The following CDH13 variants were observed in gnomAD, a reference collection of about 807,000 sequenced individuals.
CDH13 encodes the protein cadherin-13.
Under a neutral mutation model 63.8 loss-of-function variants are expected in CDH13, and 24 were observed. The ratio of observed to expected loss-of-function variants is 0.38; its 90% CI spans 0.27 to 0.53. The LOEUF is 0.53. Ranked by LOEUF, CDH13 falls within the 20% of genes least tolerant of loss-of-function variation. CDH13 has a pLI of 0.85. For synonymous variants in CDH13, 503 were observed against 355.3 expected (o/e 1.42, Z -4.67); for missense variants, 1,049 against 903.1 (o/e 1.16, Z -2.07).
chr16:83,752,601 T>G (rs1325857284), intron 11 of CDH13, among the ~76,000 whole-genome samples: 1 of 152,240 alleles, frequency 6.6e-6, no homozygotes, highest in Non-Finnish European at 1.5e-5. Flanking sequence ...GACCTAATGA[T>G]ACCTTACAGC....
intron 5 of CDH13, among the ~76,000 whole-genome samples, chr16:83,322,458 C>G (rs2090252135): frequency 6.6e-6 from 1 of 152,196 alleles, no homozygotes; most frequent in African/African-American, 2.4e-5. Context: ...TTCATTGATT[C>G]ATTTCTTTCA....
chr16:82,844,102 G>A (rs1244794523), intron 1 of CDH13, among the ~76,000 whole-genome samples: 1 of 152,166 alleles, frequency 6.6e-6, no homozygotes, highest in Non-Finnish European at 1.5e-5. Context: ...AAGGTTACCT[G>A]TATGACCCAG....
intron 2 of CDH13, among the ~76,000 whole-genome samples, chr16:83,008,645 G>A (rs1456346762): frequency 1.3e-5 from 2 of 152,166 alleles, no homozygotes; most frequent in Non-Finnish European, 2.9e-5. Flanking sequence ...CACTGGGTGT[G>A]GGAGATGGGT....
intron 7 of CDH13, among the ~76,000 whole-genome samples, chr16:83,504,575 G>C (rs1005114306): frequency 6.6e-6 from 1 of 152,116 alleles, no homozygotes; most frequent in Non-Finnish European, 1.5e-5. Context: ...CCACGTTTTG[G>C]GATTCTAGCA....
intron 1 of CDH13, among the ~76,000 whole-genome samples, chr16:82,837,733 C>T (rs768945541): frequency 6.6e-5 from 10 of 152,172 alleles, no homozygotes; most frequent in Non-Finnish European, 1.0e-4. Context: ...GGGAGCTCAT[C>T]GAGCTGGTCA....
At chr16:83,719,160 C>A (rs892393416) in intron 10 of CDH13, among the ~76,000 whole-genome samples, 1 of 152,160 alleles carries the variant, frequency 6.6e-6, no homozygotes, top group Non-Finnish European at 1.5e-5. Context: ...GCAGAGAGTC[C>A]AGTAGCCAAG....
At chr16:83,031,199 G>T (rs1373429338) in intron 2 of CDH13, among the ~76,000 whole-genome samples, 3 of 147,368 alleles carry the variant, frequency 2.0e-5, no homozygotes, top group African/African-American at 7.5e-5. Context: ...CCATATACAT[G>T]CGCATGTATA....
chr16:83,776,190 A>G (rs1915099983), intron 11 of CDH13, among the ~76,000 whole-genome samples: 1 of 152,260 alleles, frequency 6.6e-6, no homozygotes. Flanking sequence ...AGTTCACAAA[A>G]GGCCAATTCT....
chr16:83,206,091 G>A lies in CDH13; in HGVS notation c.484-11254G>A, dbSNP rs191123424. On this transcript the variant is annotated intron_variant, in intron 4 of 13. Transcript: ENST00000567109. The stretch of plus-strand genomic sequence containing the variant: ...CTTTGGGAAGGACAGGCATGAAAGG[G>A]TGACTCATACATGGCCTATGGGTCC... 2.0e-5 allele frequency among the ~76,000 whole-genome samples: 3 copies of A among 152,216 alleles called. No individual in the cohort carries two copies. In the East Asian group the frequency reaches 5.8e-4, roughly 29 times the overall value.
chr16:82,672,906 C>T (rs890402516), intron 1 of CDH13, among the ~76,000 whole-genome samples: 6 of 151,582 alleles, frequency 4.0e-5, no homozygotes, highest in Non-Finnish European at 4.4e-5. Flanking sequence ...CTTCTACCTC[C>T]TGGGCTCAAA....
At position 82,858,659 on chromosome 16, in the gene CDH13, A is replaced by C. The variant is rs963815589; in HGVS notation, c.157+186A>C. The C allele has an allele frequency of 1.1e-5, 7 of 633,208 alleles. 1 individual carries two copies. The South Asian group carries it at 1.3e-4, about 12-fold the overall frequency. The allele number at this position is 633,208 out of a possible 1,614,324, so 39.2% of individuals were successfully genotyped here. On this transcript the variant is annotated intron_variant, in intron 2 of 13. Transcript: ENST00000567109. ...GCCTGGCCAACTTAGAGGTTAATAG[A>C]GTGATATGCATCTCTTTTTAGTATT...
intron 1 of CDH13, among the ~76,000 whole-genome samples, chr16:82,676,648 A>G (rs113893269): frequency 1.3e-5 from 2 of 152,090 alleles, no homozygotes; most frequent in Non-Finnish European, 2.9e-5. Flanking sequence ...CATTTGATCA[A>G]AATCCTTCAG....
At chr16:83,618,096 A>G (rs1255361583) in intron 8 of CDH13, among the ~76,000 whole-genome samples, 5 of 152,216 alleles carry the variant, frequency 3.3e-5, no homozygotes, top group East Asian at 1.9e-4. Context: ...ATGCTTGACA[A>G]CAAAGACAAT....
chr16:82,931,509 C>A (rs1393089855), intron 2 of CDH13, among the ~76,000 whole-genome samples: 3 of 125,482 alleles, frequency 2.4e-5, no homozygotes, highest in Non-Finnish European at 5.0e-5. Context: ...CTTGAGGTCC[C>A]CCCCTTTTTT....
Position 83,028,346 on chromosome 16 carries a change from G to T in CDH13, c.158-3664G>T, listed in dbSNP as rs182127438. Among the ~76,000 whole-genome samples, 11 of 152,322 alleles carry T rather than the reference G, an allele frequency of 7.2e-5. No homozygotes were observed. In the East Asian group the frequency reaches 1.9e-3, roughly 27 times the overall value. ...GAAAGTGAGCAAGTGTCTGAGAACC[G>T]CAGGGTCCTGAGAGTCCACTTGTGT... On this transcript the variant is annotated intron_variant, in intron 2 of 13. Coordinates refer to ENST00000567109, the MANE Select transcript of CDH13 (RefSeq NM_001257.5).
intron 2 of CDH13, among the ~76,000 whole-genome samples, chr16:83,014,778 A>ATATG (rs1914559115): frequency 8.8e-6 from 1 of 113,844 alleles, no homozygotes; most frequent in South Asian, 2.8e-4. Context: ...ATATATATGT[A>ATATG]TATATATATA....
chr16:83,516,514 A>G (rs571422449), intron 7 of CDH13, among the ~76,000 whole-genome samples: 59 of 152,320 alleles, frequency 3.9e-4, no homozygotes, highest in South Asian at 1.7e-3. Context: ...GTGGGAAACA[A>G]TTCTCTACAG....
At chr16:83,159,021 C>T (rs1467016872) in intron 4 of CDH13, among the ~76,000 whole-genome samples, 1 of 152,136 alleles carries the variant, frequency 6.6e-6, no homozygotes, top group Non-Finnish European at 1.5e-5. Flanking sequence ...AATTTATTTT[C>T]ACTCACAATT....
chr16:82,735,379 G>T (rs1037545686), intron 1 of CDH13, among the ~76,000 whole-genome samples: 1 of 152,188 alleles, frequency 6.6e-6, no homozygotes, highest in African/African-American at 2.4e-5. Flanking sequence ...GGCTGGGTCT[G>T]TCCCTGCAGT....
Sources: allele counts gnomAD v4.1 joint callset (sites outside exome capture counted in the v4.1 genomes callset), GRCh38; gene constraint gnomAD v4.1.1; transcripts MANE v1.5; gene names NCBI Gene and HGNC (gene_info 2026-07-23, HGNC 2026-07-21).